Variants in FAM227B observed in about 807,000 individuals in gnomAD.
FAM227B encodes protein FAM227B.
In FAM227B, 88 loss-of-function variants were observed where a neutral mutation model predicts 73.8. The observed-to-expected ratio is 1.19, with a 90% CI of 1.00 to 1.42. The LOEUF is 1.42. Among genes scored for constraint, FAM227B ranks in the 40% most tolerant of loss-of-function variants. The probability of loss-of-function intolerance (pLI) is 0.00; values close to 1 mark genes in which losing one functional copy is unlikely to be tolerated. For synonymous variants in FAM227B, 210 were observed against 190.5 expected, an observed-to-expected ratio of 1.10 and a Z score of -0.84; for missense variants, 632 against 590.9, an observed-to-expected ratio of 1.07 and a Z score of -0.72.
At chr15:49,509,324 G>T (rs2058809185) in intron 10 of FAM227B, among the ~76,000 whole-genome samples, 1 of 152,122 alleles carries the variant, frequency 6.6e-6, no homozygotes, top group Admixed American at 6.6e-5. Flanking sequence ...TCCTTCTAGG[G>T]TCATCAAGGT....
chr15:49,584,399 G>C (rs1486239574), intron 5 of FAM227B, among the ~76,000 whole-genome samples: 1 of 152,056 alleles, frequency 6.6e-6, no homozygotes, highest in Non-Finnish European at 1.5e-5. Flanking sequence ...CAAACTTACA[G>C]CCAATGTCAT....
chr15:49,551,938 G>A (rs931188957), intron 9 of FAM227B, among the ~76,000 whole-genome samples: 38 of 152,032 alleles, frequency 2.5e-4, no homozygotes, highest in African/African-American at 8.7e-4. Context: ...ACTGTATTAT[G>A]TCTTAAAAAG....
At chr15:49,419,370 T>C (rs1373514894) in intron 11 of FAM227B, among the ~76,000 whole-genome samples, 1 of 152,198 alleles carries the variant, frequency 6.6e-6, no homozygotes, top group South Asian at 2.1e-4. Flanking sequence ...TCAGTGCGCT[T>C]GGCATGACCT....
chr15:49,382,093 C>T (rs928703685), intron 11 of FAM227B, among the ~76,000 whole-genome samples: 1 of 151,932 alleles, frequency 6.6e-6, no homozygotes, highest in African/African-American at 2.4e-5. Flanking sequence ...CAATTCTAAA[C>T]AATCTATATA....
At chr15:49,455,830 G>A (rs1359590476) in intron 11 of FAM227B, among the ~76,000 whole-genome samples, 3 of 152,112 alleles carry the variant, frequency 2.0e-5, no homozygotes, top group Admixed American at 1.3e-4. Flanking sequence ...TCACTATTGG[G>A]TATTATTGAA....
At chr15:49,580,528 C>T (rs1275522878) in intron 5 of FAM227B, among the ~76,000 whole-genome samples, 1 of 152,172 alleles carries the variant, frequency 6.6e-6, no homozygotes, top group Non-Finnish European at 1.5e-5. Context: ...GGAACATCAG[C>T]CCACACAGAT....
chr15:49,591,029 G>GTTTTTTTTTTTTTTTTCTTTTTTTTTTT (rs71424023), intron 3 of FAM227B, among the ~76,000 whole-genome samples: 1 of 105,608 alleles, frequency 9.5e-6, no homozygotes, highest in African/African-American at 3.5e-5. Flanking sequence ...TCTTTTTTTT[G>GTTTTTTTTTTTTTTTTCTTTTTTTTTTT]TTTTTTTTTT....
chr15:49,402,856 C>T (rs1220067898), intron 11 of FAM227B, among the ~76,000 whole-genome samples: 13 of 152,070 alleles, frequency 8.5e-5, no homozygotes, highest in Non-Finnish European at 1.9e-4. Context: ...TTGTGTTGTG[C>T]CGATTTTCAA....
intron 10 of FAM227B, among the ~76,000 whole-genome samples, chr15:49,525,711 T>TACATACATAC (rs1453800028): frequency 2.1e-4 from 13 of 63,170 alleles, no homozygotes; most frequent in African/African-American, 6.2e-4. Flanking sequence ...TATATATATA[T>TACATACATAC]ATATATATCA....
chr15:49,365,969 A>C (rs75624651), intron 13 of FAM227B: 1 of 852,176 alleles, frequency 1.2e-6, no homozygotes, highest in African/African-American at 1.7e-5. Context: ...TTGTGGAAGA[A>C]ATAAAGTAAG....
At chr15:49,461,079 C>A (rs375372878) in intron 11 of FAM227B, among the ~76,000 whole-genome samples, 3 of 152,066 alleles carry the variant, frequency 2.0e-5, no homozygotes, top group Non-Finnish European at 4.4e-5. Context: ...TAGTCTATTT[C>A]CTTCTAGTAT....
intron 10 of FAM227B, among the ~76,000 whole-genome samples, chr15:49,533,471 T>TA (rs1177389592): frequency 6.6e-6 from 1 of 151,898 alleles, no homozygotes; most frequent in African/African-American, 2.4e-5. Flanking sequence ...AATAGGGTCT[T>TA]ATAGTCTCCT....
chr15:49,587,130 C>A (rs1337315769), intron 5 of FAM227B, among the ~76,000 whole-genome samples: 5 of 152,110 alleles, frequency 3.3e-5, no homozygotes, highest in Non-Finnish European at 7.4e-5. Context: ...TATATATACA[C>A]CACGGAATAC....
intron 6 of FAM227B, 89 bp from the exon 7 acceptor site, chr15:49,576,934 C>G (rs916664210): frequency 1.5e-6 from 1 of 665,942 alleles, no homozygotes; most frequent in Admixed American, 2.9e-5. Flanking sequence ...CAACATTTAA[C>G]TATCACTCAC....
intron 3 of FAM227B, among the ~76,000 whole-genome samples, chr15:49,590,484 G>A (rs1480795953): frequency 6.6e-6 from 1 of 152,086 alleles, no homozygotes; most frequent in African/African-American, 2.4e-5. Context: ...ATATCTGTGG[G>A]GAAGGGAAGG....
intron 13 of FAM227B, among the ~76,000 whole-genome samples, chr15:49,337,958 T>C (rs183079978): frequency 6.6e-6 from 1 of 152,358 alleles, no homozygotes. Flanking sequence ...ACTGCCGCAA[T>C]AAACATACGT....
At chr15:49,364,083 T>C (rs753555422) in intron 13 of FAM227B, among the ~76,000 whole-genome samples, 1 of 152,208 alleles carries the variant, frequency 6.6e-6, no homozygotes, top group Non-Finnish European at 1.5e-5. Context: ...TTTCTTTTTT[T>C]ATTGTGTCTA....
At chr15:49,349,203 T>G (rs2041922127) in intron 13 of FAM227B, among the ~76,000 whole-genome samples, 1 of 152,232 alleles carries the variant, frequency 6.6e-6, no homozygotes, top group Non-Finnish European at 1.5e-5. Flanking sequence ...TACAATTTTT[T>G]AATTGTCTCT....
chr15:49,592,548 T>C (rs1015909457), intron 3 of FAM227B, among the ~76,000 whole-genome samples: 1 of 152,218 alleles, frequency 6.6e-6, no homozygotes, highest in African/African-American at 2.4e-5. Flanking sequence ...GTCTGATCCT[T>C]ACTCTGGAAG....
Sources: allele counts gnomAD v4.1 joint callset (sites outside exome capture counted in the v4.1 genomes callset), GRCh38; gene constraint gnomAD v4.1.1; transcripts MANE v1.5; gene names NCBI Gene and HGNC (gene_info 2026-07-23, HGNC 2026-07-21).